Variants in FBXW11 observed in about 807,000 individuals in gnomAD.
FBXW11 encodes the protein F-box/WD repeat-containing protein 11.
FBXW11 carries 19 observed loss-of-function variants against 77.6 expected under a neutral mutation model. The ratio of observed to expected loss-of-function variants is 0.24; its 90% CI spans 0.17 to 0.36. The LOEUF (loss-of-function observed/expected upper bound fraction) is 0.36, where lower values mean the gene tolerates loss of function less well. Among genes scored for constraint, FBXW11 ranks in the 10% least tolerant of loss-of-function variants. FBXW11 has a pLI of 1.00. For missense variants in FBXW11, 334 were observed against 704.2 expected, an observed-to-expected ratio of 0.47 and a Z score of 5.95; for synonymous variants, 235 against 249.4, an observed-to-expected ratio of 0.94 and a Z score of 0.54.
chr5:171,905,591 C>CA (rs200358572), intron 4 of FBXW11, among the ~76,000 whole-genome samples: 2 of 99,048 alleles, frequency 2.0e-5, no homozygotes, highest in Non-Finnish European at 5.0e-5. Flanking sequence ...AAAAGCTAAC[C>CA]CCCCCCCCTT....
At chr5:171,928,162 A>T (rs927518949) in intron 2 of FBXW11, among the ~76,000 whole-genome samples, 1 of 152,238 alleles carries the variant, frequency 6.6e-6, no homozygotes, top group African/African-American at 2.4e-5. Flanking sequence ...AATAGTAAAA[A>T]TGAGAGTGCA....
intron 1 of FBXW11, among the ~76,000 whole-genome samples, chr5:171,969,247 A>T (rs962156836): frequency 6.6e-6 from 1 of 152,192 alleles, no homozygotes; most frequent in African/African-American, 2.4e-5. Flanking sequence ...TAGCCTGGGC[A>T]ACATAGCGAG....
At chr5:171,902,618 C>G (rs553303995) in intron 4 of FBXW11, among the ~76,000 whole-genome samples, 4 of 152,292 alleles carry the variant, frequency 2.6e-5, no homozygotes, top group Admixed American at 6.5e-5. Context: ...ACCAGGAAGT[C>G]TGCTCATCAA....
chr5:171,989,412 C>T (rs1429244417), intron 1 of FBXW11, among the ~76,000 whole-genome samples: 1 of 152,218 alleles, frequency 6.6e-6, no homozygotes, highest in African/African-American at 2.4e-5. Context: ...ACGGGATAAC[C>T]CGTCATTAAG....
chr5:171,923,369 C>T (rs567653105), intron 2 of FBXW11, among the ~76,000 whole-genome samples: 2 of 152,122 alleles, frequency 1.3e-5, no homozygotes, highest in East Asian at 3.8e-4. Flanking sequence ...TTAATGGTGT[C>T]TTTTGATAAA....
At chr5:171,909,573 G>A (rs973201913) in intron 4 of FBXW11, among the ~76,000 whole-genome samples, 4 of 152,292 alleles carry the variant, frequency 2.6e-5, no homozygotes, top group South Asian at 4.1e-4. Context: ...CTGAGGGAAC[G>A]GGTTATGTGA....
intron 4 of FBXW11, among the ~76,000 whole-genome samples, chr5:171,907,665 A>C (rs1022983488): frequency 6.6e-6 from 1 of 152,216 alleles, no homozygotes; most frequent in African/African-American, 2.4e-5. Flanking sequence ...AAGTATTTCC[A>C]TGTCCCAGCC....
chr5:171,994,942 A>T (rs987689955), intron 1 of FBXW11, among the ~76,000 whole-genome samples: 1 of 152,174 alleles, frequency 6.6e-6, no homozygotes. Context: ...GGCAGCTGAG[A>T]TACCAGAATC....
At chr5:171,999,579 T>C (rs374285106) in intron 1 of FBXW11, among the ~76,000 whole-genome samples, 2 of 151,584 alleles carry the variant, frequency 1.3e-5, no homozygotes, top group Non-Finnish European at 2.9e-5. Flanking sequence ...TCTTTGAATC[T>C]ATCATGTAGT....
chr5:171,869,870 T>C lies in FBXW11; in HGVS notation c.1452-63A>G. 1 of 1,162,716 alleles carries C rather than the reference T, an allele frequency of 8.6e-7. No homozygotes were observed. The highest frequency in any genetic ancestry group is 2.7e-5 in the East Asian group (1 of 36,994). The allele number at this position is 1,162,716 out of a possible 1,614,324, so 72.0% of individuals were successfully genotyped here. On this transcript the variant is annotated intron_variant, in intron 11 of 13. Coordinates refer to ENST00000517395, the MANE Select transcript of FBXW11 (RefSeq NM_001378974.1). This position sits in a 1 kb window ranked among gnomAD's most constrained non-coding sequence, Gnocchi z 4.1. ...AACAATTTATATGCTGTCAAACATT[T>C]CCTTGAAAAAAAGTAGTGCATCTGA...
chr5:171,868,900 C>A, intron 12 of FBXW11, 104 bp from the exon 13 acceptor site: 1 of 992,686 alleles, frequency 1.0e-6, no homozygotes, highest in Non-Finnish European at 1.5e-6. Context: ...CTTAAACAGA[C>A]TTCCTAAACG....
At chr5:171,996,945 C>G (rs1766090256) in intron 1 of FBXW11, 1 of 1,289,528 alleles carries the variant, frequency 7.8e-7, no homozygotes, top group African/African-American at 1.5e-5. Flanking sequence ...GGGGTTTTCC[C>G]TTTCAGACTA....
At position 171,861,808 on chromosome 5, in the gene FBXW11, T is replaced by C. The variant is rs369933029; in HGVS notation, c.*2319A>G. ...ACACAAATTTATTTCAAACAGATAATTGGCAAACATAATTAATTACAAGTT... is the reference window on the plus strand; with the variant it reads ...ACACAAATTTATTTCAAACAGATAACTGGCAAACATAATTAATTACAAGTT... On this transcript the variant is annotated 3_prime_UTR_variant, in exon 14 of 14. Transcript: ENST00000517395. The C allele has an allele frequency of 3.0e-4, 46 of 152,790 alleles. No individual in the cohort carries two copies. Among genetic ancestry groups the C allele is most frequent in the South Asian group, 2.3e-3 (11 of 4,832 alleles). The allele number at this position is 152,790 out of a possible 1,614,324, so 9.5% of individuals were successfully genotyped here. A position where few individuals can be genotyped will look rare whatever the true frequency, so the allele number is the denominator to read the frequency against.
intron 1 of FBXW11, among the ~76,000 whole-genome samples, chr5:171,974,743 G>C (rs1203706103): frequency 6.6e-6 from 1 of 152,032 alleles, no homozygotes; most frequent in African/African-American, 2.4e-5. Context: ...AAAACACAGA[G>C]AGAGATATCA....
chr5:171,914,447 T>C (rs1261694167), intron 2 of FBXW11, 42 bp from the exon 3 acceptor site: 1 of 1,506,078 alleles, frequency 6.6e-7, no homozygotes, highest in Non-Finnish European at 8.9e-7. Context: ...TACCAAGTTT[T>C]GCAAATCCTA....
At chr5:171,971,035 C>G (rs1764500375) in intron 1 of FBXW11, among the ~76,000 whole-genome samples, 1 of 152,176 alleles carries the variant, frequency 6.6e-6, no homozygotes, top group African/African-American at 2.4e-5. Flanking sequence ...GTTCTCACGA[C>G]TTGAAGCAAG....
At chr5:171,935,771 CA>C (rs201412053) in intron 2 of FBXW11, among the ~76,000 whole-genome samples, 2 of 151,746 alleles carry the variant, frequency 1.3e-5, no homozygotes, top group African/African-American at 4.8e-5. Context: ...AAAAAATTGT[CA>C]AAAAAATTAA....
intron 7 of FBXW11, among the ~76,000 whole-genome samples, chr5:171,878,573 T>C (rs1758267667): frequency 1.5e-5 from 1 of 65,114 alleles, no homozygotes; most frequent in Non-Finnish European, 3.9e-5. Flanking sequence ...TGTGTGTGTG[T>C]GTGTGTGTGT....
intron 1 of FBXW11, among the ~76,000 whole-genome samples, chr5:171,965,511 G>T (rs1764134827): frequency 6.7e-6 from 1 of 148,428 alleles, no homozygotes; most frequent in South Asian, 2.1e-4. Flanking sequence ...GGGCAACAGA[G>T]TGAGACTCTT....
Sources: gnomAD v4.1 joint callset for allele counts (sites outside exome capture counted in the v4.1 genomes callset) on GRCh38, gnomAD v4.1.1 for gene constraint, Gnocchi (gnomAD v3.1) non-coding constraint, MANE v1.5 for transcripts, NCBI Gene and HGNC (gene_info 2026-07-23, HGNC 2026-07-21) for gene names.